The following ZC3HC1 variants were observed in gnomAD, a reference collection of about 807,000 sequenced individuals.
ZC3HC1 encodes zinc finger C3HC-type protein 1.
ZC3HC1 carries 38 observed loss-of-function variants against 61.9 expected under a neutral mutation model. The observed-to-expected ratio is 0.61, with a 90% CI of 0.47 to 0.81. The LOEUF (loss-of-function observed/expected upper bound fraction) is 0.81, where lower values mean the gene tolerates loss of function less well. Among genes scored for constraint, ZC3HC1 ranks in the 30% least tolerant of loss-of-function variants. The pLI, the probability that ZC3HC1 is intolerant of heterozygous loss-of-function variation, is 0.00. For missense variants in ZC3HC1, 554 were observed against 622.7 expected (o/e 0.89, Z 1.17); for synonymous variants, 213 against 229.9 (o/e 0.93, Z 0.67).
intron 4 of ZC3HC1, among the ~76,000 whole-genome samples, chr7:130,031,240 C>G (rs1410942930): frequency 1.3e-5 from 2 of 149,632 alleles, no homozygotes; most frequent in African/African-American, 4.9e-5. Flanking sequence ...GAGGCAGAAT[C>G]GCTTGAACCC....
chr7:130,031,355 A>G (rs115515255), intron 4 of ZC3HC1, among the ~76,000 whole-genome samples: 3,961 of 150,566 alleles, frequency 0.026, 156 homozygotes, highest in African/African-American at 0.091. Flanking sequence ...GAAAACCAAC[A>G]TCCCCACAAT....
rs768934736 is a variant in ZC3HC1, at chr7:130,040,996, C to T, written c.364G>A (p.Ala122Thr). The T allele has an allele frequency of 6.2e-7, 1 of 1,613,792 alleles. No homozygotes were observed. Residue 122 changes from alanine to threonine, a missense_variant, in exon 3 of 10, where the codon GCT (alanine) becomes ACT (threonine). Ala to Thr is a moderately conservative substitution (Grantham distance 58, BLOSUM62 0). Coordinates refer to ENST00000358303, the MANE Select transcript of ZC3HC1 (RefSeq NM_016478.5). ...GGTTGTAAACTGGCACAGAGAAAAG[C>T]TTGACAGCTAGAGCACTTGAGCATA... is the stretch of plus-strand genomic sequence containing the variant. ...CDMLKCSSCQ[A>T]FLCASLQPAF...
chr7:130,031,494 C>G (rs539494470), intron 4 of ZC3HC1, among the ~76,000 whole-genome samples: 9 of 152,104 alleles, frequency 5.9e-5, no homozygotes, highest in Non-Finnish European at 1.2e-4. Flanking sequence ...ATTATACTGT[C>G]GCAGTGAGAA....
At chr7:130,032,757 G>GGGGAAGGGAAGGGGGGAAGGGAAGGA (rs1794266310) in intron 4 of ZC3HC1, among the ~76,000 whole-genome samples, 1 of 59,222 alleles carries the variant, frequency 1.7e-5, no homozygotes, top group Non-Finnish European at 3.1e-5. Context: ...GAGGGGAAGG[G>GGGGAAGGGAAGGGGGGAAGGGAAGGA]GGGAAGGGAA....
At chr7:130,019,284 C>T (rs1033722134) in intron 9 of ZC3HC1, among the ~76,000 whole-genome samples, 8 of 152,032 alleles carry the variant, frequency 5.3e-5, no homozygotes, top group Admixed American at 1.3e-4. Context: ...CTCCTGACCT[C>T]GTGATCCGCC....
chr7:130,024,331 C>G lies in ZC3HC1; in HGVS notation c.952G>C (p.Val318Leu), dbSNP rs766310847. 1 of 1,614,080 alleles carries G rather than the reference C, an allele frequency of 6.2e-7. No individual in the cohort carries two copies. The highest frequency in any genetic ancestry group is 8.5e-7 in the Non-Finnish European group (1 of 1,180,016). ...LEGRPERLPL[V>L]PESPRRMMTR... ...ATCATCCTCCGAGGAGATTCAGGCA[C>G]CAGAGGTAAGCGCTCTGGTCGCCCC... Residue 318 changes from valine to leucine, a missense_variant, in exon 7 of 10, where the codon GTG becomes CTG. Physicochemically the swap from Val to Leu is conservative, Grantham distance 32. Transcript: ENST00000358303.
chr7:130,018,773 T>C (rs1793485649), intron 9 of ZC3HC1, 41 bp from the exon 10 acceptor site: 1 of 1,540,376 alleles, frequency 6.5e-7, no homozygotes, highest in South Asian at 1.1e-5. Flanking sequence ...TACGTTCTTT[T>C]ATAGAGACAA....
intron 4 of ZC3HC1, among the ~76,000 whole-genome samples, chr7:130,033,708 A>G (rs1794314246): frequency 6.6e-6 from 1 of 151,758 alleles, no homozygotes; most frequent in South Asian, 2.1e-4. Context: ...TGCCTCGGTC[A>G]CCCAAAGTGT....
chr7:130,028,258 T>TAGGCTGGG (rs1165125325), intron 5 of ZC3HC1, among the ~76,000 whole-genome samples: 2 of 145,100 alleles, frequency 1.4e-5, no homozygotes, highest in African/African-American at 5.1e-5. Flanking sequence ...ATAGTTTAAG[T>TAGGCTGGG]AGGCTGGGTG....
At chr7:130,019,290 C>T (rs1793523095) in intron 9 of ZC3HC1, among the ~76,000 whole-genome samples, 1 of 152,124 alleles carries the variant, frequency 6.6e-6, no homozygotes, top group Admixed American at 6.5e-5. Context: ...ACCTCGTGAT[C>T]CGCCTGCCTC....
At position 130,024,332 on chromosome 7, in the gene ZC3HC1, C is replaced by G; in HGVS notation, c.951G>C (p.Leu317=). 1 of 1,614,080 alleles carries G rather than the reference C, an allele frequency of 6.2e-7. No homozygotes were observed. The highest frequency in any genetic ancestry group is 1.3e-5 in the African/African-American group (1 of 75,030). The change falls in exon 7 of 10, where the codon CTG becomes CTC. Residue 317 remains leucine, a synonymous_variant. Coordinates refer to ENST00000358303, the MANE Select transcript of ZC3HC1 (RefSeq NM_016478.5). Reference sequence around the variant, plus strand: ...TCATCCTCCGAGGAGATTCAGGCACCAGAGGTAAGCGCTCTGGTCGCCCCT... The same window carrying G: ...TCATCCTCCGAGGAGATTCAGGCACGAGAGGTAAGCGCTCTGGTCGCCCCT... ...GLEGRPERLP[L]VPESPRRMMT...
rs1794635622 is a variant in ZC3HC1 at position 130,040,968 on chromosome 7, G to C, written c.392C>G (p.Ala131Gly). The C allele has an allele frequency of 1.9e-6, 3 of 1,612,672 alleles. No homozygotes were observed. The highest frequency in any genetic ancestry group is 1.7e-6 in the Non-Finnish European group (2 of 1,179,690). Residue 131 changes from alanine (A) to glycine (G), a missense_variant, in exon 3 of 10, where the codon GCT becomes GGT. Physicochemically the swap from Ala to Gly is moderately conservative, Grantham distance 60 (BLOSUM62 0). Coordinates refer to ENST00000358303, the MANE Select transcript of ZC3HC1 (RefSeq NM_016478.5). ...QAFLCASLQP[A>G]FDFDRYKQRC... ...ATACTTACATCTGTCAAAGTCAAAA[G>C]CTGGTTGTAAACTGGCACAGAGAAA...
chr7:130,028,858 G>A (rs1479626875), intron 5 of ZC3HC1, 44 bp downstream of exon 5: 1 of 1,594,614 alleles, frequency 6.3e-7, no homozygotes, highest in South Asian at 1.1e-5. Flanking sequence ...TATAAATGCT[G>A]GCAACAACTG....
chr7:130,037,129 G>C (rs1022186615), intron 4 of ZC3HC1, among the ~76,000 whole-genome samples: 1 of 152,170 alleles, frequency 6.6e-6, no homozygotes, highest in African/African-American at 2.4e-5. Flanking sequence ...ACCACCAATA[G>C]AGCCCTGGGC....
Position 130,023,414 on chromosome 7 carries a change from G to T in ZC3HC1, c.1233+97C>A. ...TTCACATGGTCTACTTTTTGCATTG[G>T]ACCACGGAAGGGCTCCTGCCTGCTT... On this transcript the variant is annotated intron_variant, in intron 8 of 9. Coordinates refer to ENST00000358303, the MANE Select transcript of ZC3HC1 (RefSeq NM_016478.5). The surrounding 1 kb of genome is among the most constrained non-coding windows in gnomAD (Gnocchi z 4.2). 8.4e-7 allele frequency: 1 copy of T among 1,185,388 alleles called. No homozygotes were observed. The highest frequency in any genetic ancestry group is 1.2e-6 in the Non-Finnish European group (1 of 833,610). 73.4% of individuals were successfully genotyped at this position (1,185,388 alleles called of 1,614,324 possible).
At chr7:130,033,383 G>A (rs1794298627) in intron 4 of ZC3HC1, among the ~76,000 whole-genome samples, 2 of 151,458 alleles carry the variant, frequency 1.3e-5, no homozygotes, top group Non-Finnish European at 2.9e-5. Flanking sequence ...GTGGGGTAAT[G>A]GATCTCCTTT....
intron 4 of ZC3HC1, among the ~76,000 whole-genome samples, chr7:130,032,247 T>C (rs1794232439): frequency 6.6e-6 from 1 of 151,596 alleles, no homozygotes; most frequent in African/African-American, 2.4e-5. Context: ...AGTAAGTTGA[T>C]TTTGATAATT....
In ZC3HC1 at chr7:130,022,358, C is replaced by T. The variant is rs376144551; in HGVS notation, c.1401G>A (p.Ala467=). The change falls in exon 9 of 10, where the codon GCG becomes GCA. Residue 467 remains alanine, a synonymous_variant. Coordinates refer to ENST00000358303, the MANE Select transcript of ZC3HC1 (RefSeq NM_016478.5). The part of the protein sequence containing the change: ...GWKAVLTILL[A]HKQSSQPAET... ...CAGCTGGCTGGCTAGACTGTTTGTG[C>T]GCCAAGAGGATGGTCAGCACTGCTT... 196 of 1,613,948 alleles carry T rather than the reference C, an allele frequency of 1.2e-4. No homozygotes were observed. The highest frequency in any genetic ancestry group is 1.6e-4 in the South Asian group (15 of 91,060).
intron 9 of ZC3HC1, among the ~76,000 whole-genome samples, chr7:130,019,261 G>A (rs1793520970): frequency 1.3e-5 from 2 of 152,032 alleles, no homozygotes; most frequent in East Asian, 1.9e-4. Context: ...GTGTTAGCCA[G>A]GATGGTCTTG....
Sources: gnomAD v4.1 joint callset for allele counts (sites outside exome capture counted in the v4.1 genomes callset) on GRCh38, gnomAD v4.1.1 for gene constraint, Gnocchi (gnomAD v3.1) non-coding constraint, MANE v1.5 for transcripts, NCBI Gene and HGNC (gene_info 2026-07-23, HGNC 2026-07-21) for gene names.